Variants in ACAN observed in about 807,000 individuals in gnomAD.
ACAN encodes aggrecan, also known as aggrecan core protein.
In ACAN, 47 loss-of-function variants were observed where a neutral mutation model predicts 169.1. The observed-to-expected ratio is 0.28, with a 90% confidence interval of 0.22 to 0.35. The LOEUF (loss-of-function observed/expected upper bound fraction) is 0.35, where lower values mean the gene tolerates loss of function less well. Ranked by LOEUF, ACAN falls within the 10% of genes least tolerant of loss-of-function variation. The pLI is 1.00. For synonymous variants in ACAN, 1,115 were observed against 1,112.2 expected (o/e 1.00, Z -0.05); for missense variants, 2,716 against 2,759.9 (o/e 0.98, Z 0.36).
intron 1 of ACAN, among the ~76,000 whole-genome samples, chr15:88,822,506 GC>G (rs1309663084): frequency 1.3e-5 from 2 of 148,436 alleles, no homozygotes; most frequent in Non-Finnish European, 3.0e-5. Context: ...CGCTCTTGTT[GC>G]CCAGGCTGGA....
Position 88,871,668 on chromosome 15 carries a change from A to T in ACAN, c.7219+128A>T, listed in dbSNP as rs1190813972. On this transcript the variant is annotated intron_variant, in intron 15 of 18. Coordinates refer to ENST00000560601, the MANE Select transcript of ACAN (RefSeq NM_001369268.1). This position sits in a 1 kb window ranked among gnomAD's most constrained non-coding sequence, Gnocchi z 7.8. ...GACAGGGACCTGGGGGAGGGGGAAC[A>T]GTGTTCCCACAGTCTGAGCTCCCAG... is the stretch of plus-strand genomic sequence containing the variant. 3.9e-6 allele frequency: 5 copies of T among 1,294,688 alleles called. No homozygotes were observed. The allele number at this position is 1,294,688 out of a possible 1,614,324, so 80.2% of individuals were successfully genotyped here. A position where few individuals can be genotyped will look rare whatever the true frequency, so the allele number is the denominator to read the frequency against.
rs1028840820 is a variant in ACAN at position 88,875,260 on chromosome 15, G to A, written c.*779G>A. On this transcript the variant is annotated 3_prime_UTR_variant, in exon 19 of 19. Transcript: ENST00000560601. The surrounding 1 kb of genome is among the most constrained non-coding windows in gnomAD (Gnocchi z 4.8). ...TCTCCCCTCCCCACCCCCGCCCCCG[G>A]GACCGTGCAGGCACCAGGGTTCCGT... is the stretch of plus-strand genomic sequence containing the variant. 7.1e-6 allele frequency: 1 copy of A among 140,828 alleles called. No individual in the cohort carries two copies. Among genetic ancestry groups the A allele is most frequent in the African/African-American group, 2.6e-5 (1 of 38,362 alleles). 8.7% of individuals were successfully genotyped at this position (140,828 alleles called of 1,614,324 possible).
At chr15:88,833,361 C>A (rs1471894234) in intron 1 of ACAN, among the ~76,000 whole-genome samples, 1 of 152,200 alleles carries the variant, frequency 6.6e-6, no homozygotes, top group African/African-American at 2.4e-5. Context: ...CCAGCATCCC[C>A]TTCCTGCTCC....
chr15:88,858,756 G>T lies in ACAN; in HGVS notation c.6171G>T (p.Arg2057Ser), dbSNP rs1298261577. The change falls in exon 12 of 19, where the codon AGG becomes AGT. Residue 2057 changes from arginine (R) to serine (S), a missense_variant. By Grantham distance (110) the Arg-to-Ser change is moderately radical. Transcript: ENST00000560601. This position sits in a 1 kb window ranked among gnomAD's most constrained non-coding sequence, Gnocchi z 4.0. ...CTATTTCTCAGGAACTAGGCCAAAG[G>T]CCCCCTGTGACACACACACCCCAGC... The part of the protein sequence containing the change: ...EPTISQELGQ[R>S]PPVTHTPQLF... 1 of 1,613,778 alleles carries T rather than the reference G, an allele frequency of 6.2e-7. No individual in the cohort carries two copies. The highest frequency in any genetic ancestry group is 8.5e-7 in the Non-Finnish European group (1 of 1,179,896).
At position 88,861,947 on chromosome 15, in the gene ACAN, GC is replaced by G. The variant is rs1167972417; in HGVS notation, c.6946+1509del. ...TGTTCCCACGATTTCTCCCCAGATG[GC>G]TCTGTAAGCAGCTTGGTAACTACCC... On this transcript the variant is annotated intron_variant, in intron 13 of 18. Coordinates refer to ENST00000560601, the MANE Select transcript of ACAN (RefSeq NM_001369268.1). This position sits in a 1 kb window ranked among gnomAD's most constrained non-coding sequence, Gnocchi z 6.3. 2.0e-5 allele frequency among the ~76,000 whole-genome samples: 3 copies of G among 152,190 alleles called. No homozygotes were observed. Among genetic ancestry groups the G allele is most frequent in the Non-Finnish European group, 4.4e-5 (3 of 68,036 alleles).
rs1187545043 is a variant in ACAN at position 88,849,224 on chromosome 15, G to A, written c.1733-214G>A. Among the ~76,000 whole-genome samples, 3 of 152,192 alleles carry A rather than the reference G, an allele frequency of 2.0e-5. No individual in the cohort carries two copies. The highest frequency in any genetic ancestry group is 3.8e-4 in the East Asian group (2 of 5,198). On this transcript the variant is annotated intron_variant, in intron 9 of 18. Coordinates refer to ENST00000560601, the MANE Select transcript of ACAN (RefSeq NM_001369268.1). This position sits in a 1 kb window ranked among gnomAD's most constrained non-coding sequence, Gnocchi z 5.1. The stretch of plus-strand genomic sequence containing the variant: ...TTTGGCACCGAAAGTCCTATGTACC[G>A]GGAAACCCCAGTCCAGTACAAACCA...
At chr15:88,841,069 C>G (rs989202229) in intron 4 of ACAN, among the ~76,000 whole-genome samples, 5 of 152,190 alleles carry the variant, frequency 3.3e-5, no homozygotes, top group African/African-American at 1.2e-4. Context: ...GGCGTGAACC[C>G]GGGAGGTGGA....
rs564289325 is a variant in ACAN, at chr15:88,841,852, G to T, written c.742G>T (p.Ala248Ser). ...CGAGACCTATGATGTGTACTGCTTC[G>T]CCGAGGAGATGGAGGGTGAGCTGCC... ...TNETYDVYCF[A>S]EEMEGEVFYA... The change falls in exon 5 of 19, where the codon GCC (alanine) becomes TCC (serine). Residue 248 changes from alanine to serine, a missense_variant. Transcript: ENST00000560601. 3 of 1,610,866 alleles carry T rather than the reference G, an allele frequency of 1.9e-6. No homozygotes were observed. The highest frequency in any genetic ancestry group is 1.7e-5 in the Admixed American group (1 of 59,662).
intron 11 of ACAN, among the ~76,000 whole-genome samples, chr15:88,852,510 C>T (rs1427425132): frequency 6.6e-6 from 1 of 152,232 alleles, no homozygotes; most frequent in African/African-American, 2.4e-5. Flanking sequence ...CAGGCCTCCT[C>T]AGGCAGAACT....
At chr15:88,828,641 G>A (rs1896284961) in intron 1 of ACAN, among the ~76,000 whole-genome samples, 1 of 152,184 alleles carries the variant, frequency 6.6e-6, no homozygotes, top group African/African-American at 2.4e-5. Flanking sequence ...CAAGCAATGA[G>A]CAGGTCCCTG....
chr15:88,819,971 T>C (rs1300728934), intron 1 of ACAN, among the ~76,000 whole-genome samples: 1 of 152,114 alleles, frequency 6.6e-6, no homozygotes, highest in East Asian at 1.9e-4. Context: ...TACCACTCAC[T>C]GGCTGAGGGA....
At chr15:88,829,096 G>C (rs1466600825) in intron 1 of ACAN, among the ~76,000 whole-genome samples, 1 of 139,972 alleles carries the variant, frequency 7.1e-6, no homozygotes, top group Non-Finnish European at 1.6e-5. Flanking sequence ...GCCCGGAATG[G>C]AGAAAAACAC....
intron 1 of ACAN, among the ~76,000 whole-genome samples, chr15:88,806,491 A>T (rs1289928276): frequency 6.6e-6 from 1 of 151,936 alleles, no homozygotes; most frequent in African/African-American, 2.4e-5. Flanking sequence ...AGCTGGGGTT[A>T]CTTGTGTACC....
Position 88,857,179 on chromosome 15 carries a change from G to C in ACAN, c.4594G>C (p.Glu1532Gln), listed in dbSNP as rs755141817. The C allele has an allele frequency of 1.2e-6, 2 of 1,613,756 alleles. No individual in the cohort carries two copies. The highest frequency in any genetic ancestry group is 1.3e-5 in the African/African-American group (1 of 75,030). ...VEDLSRLPSG[E>Q]EVLEISASGF... ...GGACCTCAGCAGGCTCCCTTCTGGA[G>C]AAGAAGTTCTAGAGATTTCTGCCTC... The change falls in exon 12 of 19, where the codon GAA becomes CAA. Residue 1532 changes from glutamate (E) to glutamine (Q), a missense_variant. This residue lies in a region of ACAN where 1,389 missense variants were observed against 1,363.7 expected (regional missense o/e 1.02). Transcript: ENST00000560601.
chr15:88,809,821 C>A (rs1895774551), intron 1 of ACAN, among the ~76,000 whole-genome samples: 1 of 152,164 alleles, frequency 6.6e-6, no homozygotes. Flanking sequence ...CTGAGGTGAG[C>A]CCAGCTACTG....
At chr15:88,803,883 A>T (rs775252755) in intron 1 of ACAN, 74 bp downstream of exon 1, 11 of 152,264 alleles carry the variant, frequency 7.2e-5, no homozygotes, top group Non-Finnish European at 1.6e-4. Flanking sequence ...CTGAGACTGC[A>T]CGCCCCGGGG....
At position 88,843,646 on chromosome 15, in the gene ACAN, C is replaced by T; in HGVS notation, c.1049C>T (p.Thr350Ile). ...TCCCGCTACGACGCCATCTGCTACA[C>T]AGGTGGGGCACGGCTGGTGGTGGGA... is the stretch of plus-strand genomic sequence containing the variant. ...PSSRYDAICY[T>I]GEDFVDIPEN... is the part of the protein sequence containing the mutation. The change falls in exon 6 of 19, where the codon ACA becomes ATA. Residue 350 changes from threonine (T) to isoleucine (I), a missense_variant and splice_region_variant. Physicochemically the swap from Thr to Ile is moderately conservative, Grantham distance 89 (BLOSUM62 -1). This residue lies in a region of ACAN where 1,283 missense variants were observed against 1,281.5 expected (regional missense o/e 1.00). Coordinates refer to ENST00000560601, the MANE Select transcript of ACAN (RefSeq NM_001369268.1). The surrounding 1 kb of genome is among the most constrained non-coding windows in gnomAD (Gnocchi z 4.0). 6.4e-7 allele frequency: 1 copy of T among 1,571,894 alleles called. No individual in the cohort carries two copies. Among genetic ancestry groups the T allele is most frequent in the Non-Finnish European group, 8.7e-7 (1 of 1,151,292 alleles).
In ACAN at chr15:88,839,965, T is replaced by C; in HGVS notation, c.455-47T>C. On this transcript the variant is annotated intron_variant, in intron 3 of 18. Transcript: ENST00000560601. This position sits in a 1 kb window ranked among gnomAD's most constrained non-coding sequence, Gnocchi z 4.5. Reference sequence around the variant, plus strand: ...TGCGAGGGCCTCGGTGATCAGAGACTGTGCCTGACCAGCTCTTCCGCTTGT... The same window carrying C: ...TGCGAGGGCCTCGGTGATCAGAGACCGTGCCTGACCAGCTCTTCCGCTTGT... The C allele has an allele frequency of 6.4e-7, 1 of 1,560,972 alleles. No homozygotes were observed. Among genetic ancestry groups the C allele is most frequent in the Non-Finnish European group, 8.7e-7 (1 of 1,149,748 alleles).
chr15:88,843,305 C>A lies in ACAN; in HGVS notation c.758-50C>A. On this transcript the variant is annotated intron_variant, in intron 5 of 18. Coordinates refer to ENST00000560601, the MANE Select transcript of ACAN (RefSeq NM_001369268.1). The surrounding 1 kb of genome is among the most constrained non-coding windows in gnomAD (Gnocchi z 4.0). ...TGTGGATCTCTCTGGGGATGCAGAG[C>A]AGGGGGAGGGGGGAGAAGACCCTTA... is the stretch of plus-strand genomic sequence containing the variant. The A allele has an allele frequency of 7.5e-7, 1 of 1,340,342 alleles. No individual in the cohort carries two copies. Among genetic ancestry groups the A allele is most frequent in the Non-Finnish European group, 9.6e-7 (1 of 1,044,702 alleles). The allele number at this position is 1,340,342 out of a possible 1,614,324, so 83.0% of individuals were successfully genotyped here.
Sources: gnomAD v4.1 joint callset for allele counts (sites outside exome capture counted in the v4.1 genomes callset) on GRCh38, gnomAD v4.1.1 for gene constraint, gnomAD v4.1.1 regional missense constraint, Gnocchi (gnomAD v3.1) non-coding constraint, MANE v1.5 for transcripts, NCBI Gene and HGNC (gene_info 2026-07-23, HGNC 2026-07-21) for gene names.